Variants in MYO1E observed in about 807,000 individuals in gnomAD.
The protein encoded by MYO1E is myosin IE, also known as unconventional myosin-Ie.
A neutral mutation model predicts 151.1 loss-of-function variants in MYO1E; 68 were observed. That is an observed-to-expected ratio of 0.45 (90% CI 0.37 to 0.55). The LOEUF (loss-of-function observed/expected upper bound fraction) is 0.55, where lower values mean the gene tolerates loss of function less well. MYO1E is among the 20% of genes least tolerant of loss of function. The pLI is 0.00. For missense variants in MYO1E, 1,363 were observed against 1,389.3 expected, an observed-to-expected ratio of 0.98 and a Z score of 0.30; for synonymous variants, 601 against 501.7, an observed-to-expected ratio of 1.20 and a Z score of -2.64.
intron 21 of MYO1E, among the ~76,000 whole-genome samples, chr15:59,172,414 TG>T (rs2079601097): frequency 6.6e-6 from 1 of 152,214 alleles, no homozygotes. Context: ...AGTGGACTGC[TG>T]TTACCAGGAC....
intron 1 of MYO1E, among the ~76,000 whole-genome samples, chr15:59,329,339 T>C (rs2080685077): frequency 6.6e-6 from 1 of 152,180 alleles, no homozygotes; most frequent in African/African-American, 2.4e-5. Context: ...TTAAAGGACT[T>C]ACCTAACGTG....
rs115099334 is a variant in MYO1E, at chr15:59,311,437, T to C, written c.4-38988A>G. Among the ~76,000 whole-genome samples, 657 of 152,250 alleles carry C rather than the reference T, an allele frequency of 4.3e-3. 7 individuals are homozygous for C. Among genetic ancestry groups the C allele is most frequent in the African/African-American group, 0.015 (624 of 41,542 alleles). On this transcript the variant is annotated intron_variant, in intron 1 of 27. Transcript: ENST00000288235. ...GTAATGCTCACTCATGCATGCTTAC[T>C]TCCTGCTGTGCATCCCAGTTCCTAA...
rs180673258 is a variant in MYO1E, at chr15:59,175,606, G to A, written c.2050-1366C>T. Among the ~76,000 whole-genome samples the A allele has an allele frequency of 4.3e-4, 66 of 152,322 alleles. No homozygotes were observed. The Middle Eastern group carries it at 0.01, about 24-fold the overall frequency. On this transcript the variant is annotated intron_variant, in intron 19 of 27. Transcript: ENST00000288235. ...CAGATTTCTAAACCCCAAGTGGAAT[G>A]CACAGATTAGCAACTGGACAGAATG...
At chr15:59,167,353 C>T (rs1455647119) in intron 22 of MYO1E, among the ~76,000 whole-genome samples, 1 of 152,176 alleles carries the variant, frequency 6.6e-6, no homozygotes, top group Non-Finnish European at 1.5e-5. Flanking sequence ...AAATGAGAAG[C>T]CTCATCAGAG....
At chr15:59,263,397 T>A (rs1188047516) in intron 2 of MYO1E, among the ~76,000 whole-genome samples, 1 of 152,204 alleles carries the variant, frequency 6.6e-6, no homozygotes, top group African/African-American at 2.4e-5. Context: ...GGCACATGTT[T>A]TATCATGTAA....
chr15:59,205,298 G>A lies in MYO1E; in HGVS notation c.1616+102C>T, dbSNP rs1443132722. 13 of 1,146,038 alleles carry A rather than the reference G, an allele frequency of 1.1e-5. No homozygotes were observed. The African/African-American group carries it at 1.5e-4, about 13-fold the overall frequency. 71.0% of individuals were successfully genotyped at this position (1,146,038 alleles called of 1,614,324 possible). The stretch of plus-strand genomic sequence containing the variant: ...CTGCCTTAGCCTCCTGAGTAGCTGG[G>A]ACTATAGGAACACACCACCACACCC... On this transcript the variant is annotated intron_variant, in intron 15 of 27. Coordinates refer to ENST00000288235, the MANE Select transcript of MYO1E (RefSeq NM_004998.4).
intron 1 of MYO1E, among the ~76,000 whole-genome samples, chr15:59,323,168 C>CAAAAA (rs10569332): frequency 5.5e-4 from 35 of 63,570 alleles, no homozygotes; most frequent in Admixed American, 1.7e-3. Context: ...GACCCCATCA[C>CAAAAA]AAAAAAAAAA....
At chr15:59,371,301 G>A (rs1328336637) in intron 1 of MYO1E, among the ~76,000 whole-genome samples, 1 of 151,992 alleles carries the variant, frequency 6.6e-6, no homozygotes, top group Non-Finnish European at 1.5e-5. Context: ...GTGTTGTGCT[G>A]GTTATCATTT....
chr15:59,311,718 A>G (rs954073985), intron 1 of MYO1E, among the ~76,000 whole-genome samples: 1 of 152,190 alleles, frequency 6.6e-6, no homozygotes, highest in Admixed American at 6.5e-5. Context: ...CTCAATCCCC[A>G]ATGCGACAGT....
At position 59,234,040 on chromosome 15, in the gene MYO1E, A is replaced by G. The variant is rs1318898092; in HGVS notation, c.421-2249T>C. On this transcript the variant is annotated intron_variant, in intron 5 of 27. Coordinates refer to ENST00000288235, the MANE Select transcript of MYO1E (RefSeq NM_004998.4). ...TGGCTACTAGAAAATTTAGAATTAC[A>G]CATATGGCTTGCTTCATCTTTCTAC... Among the ~76,000 whole-genome samples, 7 of 152,274 alleles carry G rather than the reference A, an allele frequency of 4.6e-5. No individual in the cohort carries two copies. In the East Asian group the frequency reaches 1.4e-3, roughly 29 times the overall value.
intron 1 of MYO1E, among the ~76,000 whole-genome samples, chr15:59,346,012 T>A (rs1179878325): frequency 2.6e-5 from 4 of 152,332 alleles, no homozygotes; most frequent in African/African-American, 9.6e-5. Flanking sequence ...GAATATCACT[T>A]TATAGTTTGC....
intron 1 of MYO1E, among the ~76,000 whole-genome samples, chr15:59,287,856 C>T (rs888296012): frequency 1.3e-5 from 2 of 152,180 alleles, no homozygotes; most frequent in Non-Finnish European, 2.9e-5. Flanking sequence ...TAGACTCTGG[C>T]CACCTGCAAC....
intron 22 of MYO1E, among the ~76,000 whole-genome samples, chr15:59,165,863 G>C (rs1283050432): frequency 6.6e-6 from 1 of 152,196 alleles, no homozygotes; most frequent in African/African-American, 2.4e-5. Flanking sequence ...TTGGGGTGAG[G>C]AATGAAACGC....
At chr15:59,333,638 T>C (rs11854697) in intron 1 of MYO1E, among the ~76,000 whole-genome samples, 23,255 of 152,148 alleles carry the variant, frequency 0.15, 2,050 homozygotes, top group East Asian at 0.29. Flanking sequence ...CTATTTCCCA[T>C]TGGTGAGTGG....
In MYO1E at chr15:59,186,978, A is replaced by G. The variant is rs557060132; in HGVS notation, c.1904+1140T>C. The stretch of plus-strand genomic sequence containing the variant: ...TACATGTTAAGGGATATATAAAAAT[A>G]AGTTTAAATTTATACATGGATTGTA... On this transcript the variant is annotated intron_variant, in intron 18 of 27. Transcript: ENST00000288235. Among the ~76,000 whole-genome samples the G allele has an allele frequency of 1.2e-4, 19 of 152,336 alleles. No homozygotes were observed. The South Asian group carries it at 3.7e-3, about 30-fold the overall frequency.
intron 4 of MYO1E, among the ~76,000 whole-genome samples, chr15:59,249,195 G>A (rs185611508): frequency 1.1e-3 from 166 of 152,222 alleles, no homozygotes; most frequent in Middle Eastern, 3.4e-3. Context: ...AGGCTGAGGC[G>A]GGTGGATCAC....
intron 9 of MYO1E, 123 bp from the exon 10 acceptor site, chr15:59,218,210 G>C (rs540454631): frequency 2.6e-6 from 3 of 1,170,264 alleles, no homozygotes; most frequent in Admixed American, 3.8e-5. Context: ...GCACAATCAC[G>C]GGCCCCAAGA....
chr15:59,178,058 A>G (rs2079635734), intron 19 of MYO1E, among the ~76,000 whole-genome samples: 1 of 152,272 alleles, frequency 6.6e-6, no homozygotes, highest in South Asian at 2.1e-4. Context: ...GGCTTTGGGT[A>G]TATAAACACA....
At chr15:59,340,943 G>C (rs1268512958) in intron 1 of MYO1E, among the ~76,000 whole-genome samples, 1 of 146,902 alleles carries the variant, frequency 6.8e-6, no homozygotes, top group East Asian at 2.0e-4. Flanking sequence ...AGCTTGAACA[G>C]GGGAGGCAGA....
Sources: allele counts gnomAD v4.1 joint callset (sites outside exome capture counted in the v4.1 genomes callset), GRCh38; gene constraint gnomAD v4.1.1; transcripts MANE v1.5; gene names NCBI Gene and HGNC (gene_info 2026-07-23, HGNC 2026-07-21).